Variants in OVCH2 observed in about 807,000 individuals in gnomAD.
OVCH2 encodes the protein ovochymase-2.
In OVCH2, 88 loss-of-function variants were observed where a neutral mutation model predicts 73.7. The observed-to-expected ratio is 1.19, with a 90% CI of 1.01 to 1.43. The LOEUF is 1.43. OVCH2 is among the 40% of genes most tolerant of loss of function. The pLI, the probability that OVCH2 is intolerant of heterozygous loss-of-function variation, is 0.00. For synonymous variants in OVCH2, 265 were observed against 234.5 expected (o/e 1.13, Z -1.19); for missense variants, 706 against 674.5 (o/e 1.05, Z -0.52).
intron 8 of OVCH2, among the ~76,000 whole-genome samples, chr11:7,697,994 C>T (rs1379820643): frequency 2.0e-5 from 3 of 152,238 alleles, no homozygotes; most frequent in Non-Finnish European, 4.4e-5. Context: ...TATAAATCCT[C>T]ATCACATGCC....
At chr11:7,705,881 A>G (rs948620361) in intron 1 of OVCH2, among the ~76,000 whole-genome samples, 3 of 152,196 alleles carry the variant, frequency 2.0e-5, no homozygotes, top group African/African-American at 7.2e-5. Context: ...GTTGAAGGGG[A>G]AAAAAGACCA....
chr11:7,702,123 G>A (rs191302592), intron 4 of OVCH2, 34 bp downstream of exon 4: 6 of 1,539,714 alleles, frequency 3.9e-6, no homozygotes, highest in Non-Finnish European at 9.0e-7. Flanking sequence ...GAGAACATGG[G>A]GTAGACAATT....
At chr11:7,705,965 C>T (rs1856522669) in intron 1 of OVCH2, among the ~76,000 whole-genome samples, 1 of 152,058 alleles carries the variant, frequency 6.6e-6, no homozygotes, top group South Asian at 2.1e-4. Context: ...AAAATGCTTC[C>T]AAATCCATGC....
At chr11:7,689,303 G>A (rs12805766), downstream of OVCH2, 27,965 of 191,412 alleles carry the variant, frequency 0.15, 2,214 homozygotes, top group African/African-American at 0.21. Context: ...TGTGGATTCC[G>A]GTGTTTCTAT....
intron 9 of OVCH2, 31 bp downstream of exon 9, chr11:7,696,678 A>G (rs1455468303): frequency 1.2e-6 from 2 of 1,613,720 alleles, no homozygotes; most frequent in Non-Finnish European, 1.7e-6. Flanking sequence ...AGGTGGGAGT[A>G]AGGAGGAGGA....
chr11:7,691,190 G>A (rs768169858), intron 14 of OVCH2, 79 bp downstream of exon 14: 19 of 1,488,764 alleles, frequency 1.3e-5, no homozygotes, highest in South Asian at 1.2e-5. Context: ...CTGTCTCTGT[G>A]TTGGGCTCTA....
Position 7,695,559 on chromosome 11 carries a change from A to C in OVCH2, c.1282+11T>G, listed in dbSNP as rs1856313818. 4.4e-6 allele frequency: 7 copies of C among 1,608,480 alleles called. No homozygotes were observed. Among genetic ancestry groups the C allele is most frequent in the Non-Finnish European group, 6.0e-6 (7 of 1,175,986 alleles). On this transcript the variant is annotated intron_variant, in intron 11 of 15. Transcript: ENST00000533663. ...TGGAGATAGTATGTGATTAAAAGTA[A>C]ATGGTTTTACCAGGAATGTAGTTTG...
At chr11:7,686,178 T>A (rs1856140060), downstream of OVCH2, among the ~76,000 whole-genome samples, 1 of 152,234 alleles carries the variant, frequency 6.6e-6, no homozygotes, top group Admixed American at 6.5e-5. Context: ...TGCTGAGGTA[T>A]GAAGTCCTGC....
intron 6 of OVCH2, among the ~76,000 whole-genome samples, chr11:7,700,911 A>G (rs1856426325): frequency 6.6e-6 from 1 of 152,236 alleles, no homozygotes; most frequent in African/African-American, 2.4e-5. Context: ...CCCCGAGTTC[A>G]TTCTTGGCAT....
chr11:7,680,245 T>G, the OVCH2 span, among the ~76,000 whole-genome samples: 1 of 152,192 alleles, frequency 6.6e-6, no homozygotes, highest in African/African-American at 2.4e-5. Context: ...TTAGGCTACT[T>G]CCAGTAGACA....
the OVCH2 span, among the ~76,000 whole-genome samples, chr11:7,680,316 C>G: frequency 6.6e-6 from 1 of 152,196 alleles, no homozygotes; most frequent in South Asian, 2.1e-4. Context: ...AATTGCTCAC[C>G]TGGTGCGTGG....
chr11:7,691,796 G>T, intron 13 of OVCH2, 106 bp downstream of exon 13: 1 of 808,024 alleles, frequency 1.2e-6, no homozygotes, highest in Non-Finnish European at 2.0e-6. Context: ...AGGGGTGGAG[G>T]TGGTGCAGGA....
Position 7,691,390 on chromosome 11 carries a change from A to G in OVCH2, c.1518T>C (p.Cys506=), listed in dbSNP as rs749066395. Residue 506 remains cysteine, a synonymous_variant, in exon 14 of 16, where the codon TGT becomes TGC. Transcript: ENST00000533663. Reference sequence around the variant, plus strand: ...GCACAGGGGTGGGGACATCATAGCCACACAGCCGAGCTTGTTGAAGGCCAG... The same window carrying G: ...GCACAGGGGTGGGGACATCATAGCCGCACAGCCGAGCTTGTTGAAGGCCAG... ...VERKKEIARL[C]GYDVPTPVLS... 3 of 1,612,656 alleles carry G rather than the reference A, an allele frequency of 1.9e-6. No homozygotes were observed. In the African/African-American group the frequency reaches 4.0e-5, roughly 22 times the overall value.
intron 3 of OVCH2, among the ~76,000 whole-genome samples, chr11:7,702,793 A>G (rs191054903): frequency 3.2e-4 from 49 of 152,330 alleles, no homozygotes; most frequent in Non-Finnish European, 5.6e-4. Context: ...ATAACTAACT[A>G]ATGTTCTCTG....
chr11:7,689,746 T>C lies in OVCH2; in HGVS notation c.*32-144A>G. The C allele has an allele frequency of 5.9e-6, 4 of 681,198 alleles. No individual in the cohort carries two copies. In the South Asian group the frequency reaches 6.0e-5, roughly 10 times the overall value. The allele number at this position is 681,198 out of a possible 1,614,324, so 42.2% of individuals were successfully genotyped here. On this transcript the variant is annotated intron_variant, in intron 15 of 15. Coordinates refer to ENST00000533663, the MANE Select transcript of OVCH2 (RefSeq NM_198185.7). Reference sequence around the variant, plus strand: ...TTAGGGCCCAGGCTAATAACCTCATTTTAACTGATTAACTCTGTAACAACC... The same window carrying C: ...TTAGGGCCCAGGCTAATAACCTCATCTTAACTGATTAACTCTGTAACAACC...
the OVCH2 span, among the ~76,000 whole-genome samples, chr11:7,681,730 A>G: frequency 7.9e-5 from 12 of 151,370 alleles, no homozygotes; most frequent in East Asian, 2.6e-3. Context: ...GGAGACAACC[A>G]GGAGTAAGTG....
At chr11:7,690,286 G>A (rs1035725481) in intron 14 of OVCH2, among the ~76,000 whole-genome samples, 1 of 152,234 alleles carries the variant, frequency 6.6e-6, no homozygotes, top group Non-Finnish European at 1.5e-5. Context: ...ATGAGAATGT[G>A]TAAGGAAGCT....
chr11:7,698,916 G>T, intron 7 of OVCH2, 143 bp from the exon 8 acceptor site: 1 of 745,450 alleles, frequency 1.3e-6, no homozygotes, highest in Non-Finnish European at 2.2e-6. Flanking sequence ...AGAAGGGAAG[G>T]GATAAATGGA....
At position 7,703,731 on chromosome 11, in the gene OVCH2, C is replaced by T. The variant is rs753875594; in HGVS notation, c.257G>A (p.Trp86Ter). 1.9e-6 allele frequency: 3 copies of T among 1,610,534 alleles called. No individual in the cohort carries two copies. Among genetic ancestry groups the T allele is most frequent in the Non-Finnish European group, 1.7e-6 (2 of 1,178,468 alleles). ...ICGGSIVSPQ[W>*]VITAAHCIAN... ...AATGCAGTGAGCCGCCGTGATCACC[C>T]ACTGTGGTGAGACGATGCTTCCTCC... Residue 86 changes from tryptophan (W) to a stop codon, truncating the protein, a stop_gained, in exon 3 of 16, where the codon TGG becomes TAG. Transcript: ENST00000533663. LOFTEE classifies it high-confidence loss of function.
Sources: allele counts gnomAD v4.1 joint callset (sites outside exome capture counted in the v4.1 genomes callset), GRCh38; gene constraint gnomAD v4.1.1; transcripts MANE v1.5; gene names NCBI Gene and HGNC (gene_info 2026-07-23, HGNC 2026-07-21).